ANKRD36C: variants seen among roughly 807,000 people sequenced by gnomAD.
The protein encoded by ANKRD36C is ankyrin repeat domain 36C.
A neutral mutation model predicts 276.4 loss-of-function variants in ANKRD36C; 61 were observed. The observed-to-expected ratio is 0.22, with a 90% CI of 0.18 to 0.27. The LOEUF is 0.27. Ranked by LOEUF, ANKRD36C falls within the 10% of genes least tolerant of loss-of-function variation. ANKRD36C has a pLI of 1.00. For synonymous variants in ANKRD36C, 483 were observed against 680.1 expected, an observed-to-expected ratio of 0.71 and a Z score of 4.51; for missense variants, 1,447 against 2,032.3, an observed-to-expected ratio of 0.71 and a Z score of 5.54.
exon 30 of ANKRD36C, chr2:95,925,392 A>G: frequency 4.5e-6 from 7 of 1,572,114 alleles, no homozygotes; most frequent in Non-Finnish European, 6.0e-6. Flanking sequence ...TTGTGGCAAT[A>G]TTCAAAAGAG....
Position 95,962,438 on chromosome 2 carries a change from G to T in ANKRD36C, c.829-14C>A. On this transcript the variant is annotated splice_polypyrimidine_tract_variant and intron_variant, in intron 7 of 66. Transcript: ENST00000456556. The stretch of plus-strand genomic sequence containing the variant: ...GCCACTTGTAGCCTGAGTGGGATTT[G>T]AAACAAAATAATCAATACGTAAAGT... The T allele has an allele frequency of 6.3e-7, 1 of 1,580,444 alleles. No homozygotes were observed.
chr2:95,980,834 T>C, intron 4 of ANKRD36C, 49 bp from the exon 5 acceptor site: 1 of 1,542,034 alleles, frequency 6.5e-7, no homozygotes, highest in Non-Finnish European at 8.8e-7. Context: ...TTTTAAAAGC[T>C]TAGTTTATAT....
downstream of ANKRD36C, among the ~76,000 whole-genome samples, chr2:95,849,801 T>G (rs1474806043): frequency 6.6e-6 from 1 of 152,194 alleles, no homozygotes. Context: ...ATCTAATGGC[T>G]TTGCTGATCT....
chr2:95,894,776 A>G (rs907091243), intron 44 of ANKRD36C, among the ~76,000 whole-genome samples: 12 of 151,348 alleles, frequency 7.9e-5, no homozygotes, highest in African/African-American at 1.2e-4. Flanking sequence ...TTTTATGCCA[A>G]TTCAAGAAAT....
chr2:95,920,146 A>G lies in ANKRD36C; in HGVS notation c.2245+1461T>C, dbSNP rs111861058. Among the ~76,000 whole-genome samples the G allele has an allele frequency of 5.3e-5, 7 of 132,152 alleles. 2 individuals carry two copies. The East Asian group carries it at 1.1e-3, about 21-fold the overall frequency. 86.7% of individuals were successfully genotyped at this position (132,152 alleles called of 152,430 possible). On this transcript the variant is annotated intron_variant, in intron 34 of 66. Transcript: ENST00000456556. ...TACAATTTCAAACATGGTATGATTCATCATACGTCAAAAACTAAAATAAAA... is the reference window on the plus strand; with the variant it reads ...TACAATTTCAAACATGGTATGATTCGTCATACGTCAAAAACTAAAATAAAA...
chr2:95,962,497 A>C, intron 7 of ANKRD36C, 22 bp downstream of exon 7: 2 of 1,598,824 alleles, frequency 1.3e-6, no homozygotes, highest in Non-Finnish European at 1.7e-6. Context: ...ATAGTTCAAA[A>C]CAGAAATGAA....
intron 19 of ANKRD36C, among the ~76,000 whole-genome samples, chr2:95,943,493 A>C (rs1677953120): frequency 6.6e-6 from 1 of 151,262 alleles, no homozygotes; most frequent in African/African-American, 2.4e-5. Context: ...CAAAAAAAAA[A>C]AAATTAACCA....
exon 30 of ANKRD36C, chr2:95,925,371 G>A (rs769211951): frequency 9.2e-5 from 145 of 1,579,858 alleles, no homozygotes; most frequent in Non-Finnish European, 9.8e-5. Flanking sequence ...ATTTCCCACC[G>A]CCCGTTATTC....
chr2:95,968,456 A>G (rs2918861), intron 6 of ANKRD36C, among the ~76,000 whole-genome samples: 3 of 152,320 alleles, frequency 2.0e-5, no homozygotes, highest in East Asian at 1.9e-4. Flanking sequence ...AGCAGGCATT[A>G]TCAAAGAACA....
At chr2:95,924,589 A>G (rs1351010210) in intron 30 of ANKRD36C, among the ~76,000 whole-genome samples, 2 of 151,688 alleles carry the variant, frequency 1.3e-5, no homozygotes, top group Admixed American at 1.3e-4. Context: ...TATTTTAATG[A>G]AAAAGCCAGC....
At chr2:95,876,042 A>C (rs564223842) in intron 59 of ANKRD36C, 86 of 406,850 alleles carry the variant, frequency 2.1e-4, no homozygotes, top group African/African-American at 1.7e-3. Flanking sequence ...AAAAAACTGC[A>C]AAGTTTGAAC....
chr2:95,978,019 T>G (rs1350066524), intron 6 of ANKRD36C, 103 bp downstream of exon 6: 1 of 418,204 alleles, frequency 2.4e-6, no homozygotes, highest in Non-Finnish European at 4.4e-6. Flanking sequence ...GTGTGCAATT[T>G]AAACAGTGAT....
At chr2:95,987,681 G>C (rs982750166) in intron 1 of ANKRD36C, among the ~76,000 whole-genome samples, 21 of 148,374 alleles carry the variant, frequency 1.4e-4, no homozygotes, top group Non-Finnish European at 2.4e-4. Flanking sequence ...GACTGCAGTG[G>C]CGCAATCTCG....
rs1398750881 is a variant in ANKRD36C, at chr2:95,896,979, C to A, written c.2755+2166G>T. 1.8e-4 allele frequency among the ~76,000 whole-genome samples: 27 copies of A among 147,654 alleles called. 2 individuals are homozygous for A. Among genetic ancestry groups the A allele is most frequent in the African/African-American group, 6.5e-4 (26 of 40,268 alleles). Reference sequence around the variant, plus strand: ...TCCTTCCACCCTTACTGAAAACAAGCTGGAGAATTAAAGCAAAATTATGTT... The same window carrying A: ...TCCTTCCACCCTTACTGAAAACAAGATGGAGAATTAAAGCAAAATTATGTT... On this transcript the variant is annotated intron_variant, in intron 44 of 66. Transcript: ENST00000456556.
At chr2:95,941,472 G>C (rs1327249758) in intron 19 of ANKRD36C, among the ~76,000 whole-genome samples, 1 of 152,002 alleles carries the variant, frequency 6.6e-6, no homozygotes, top group Non-Finnish European at 1.5e-5. Flanking sequence ...ATTTCTACTT[G>C]GGAAGCTTCT....
chr2:95,933,350 TATAAA>T lies in ANKRD36C; in HGVS notation c.1735+2099_1735+2103del. On this transcript the variant is annotated intron_variant, in intron 24 of 66. Transcript: ENST00000456556. ...CAATGGTAGTCTATAGCATTGAACC[TATAAA>T]TTACTTTGGGCAGTATGGCCATTTT... Among the ~76,000 whole-genome samples the T allele has an allele frequency of 4.6e-5, 7 of 152,412 alleles. No individual in the cohort carries two copies. The South Asian group carries it at 1.4e-3, about 32-fold the overall frequency.
At chr2:95,952,068 C>T (rs527477622) in intron 14 of ANKRD36C, among the ~76,000 whole-genome samples, 6 of 151,778 alleles carry the variant, frequency 4.0e-5, no homozygotes, top group Non-Finnish European at 7.4e-5. Context: ...ACAATAGAAA[C>T]AGAAGTGAAA....
At chr2:95,939,946 C>G (rs954906686) in intron 20 of ANKRD36C, among the ~76,000 whole-genome samples, 5 of 152,252 alleles carry the variant, frequency 3.3e-5, no homozygotes, top group African/African-American at 1.2e-4. Flanking sequence ...CTAATGAGTA[C>G]TCAGATTTTC....
intron 58 of ANKRD36C, among the ~76,000 whole-genome samples, chr2:95,878,153 CAGG>C (rs1419533745): frequency 2.0e-4 from 29 of 145,408 alleles, no homozygotes; most frequent in African/African-American, 5.9e-4. Context: ...CATTACACTC[CAGG>C]CTGGGAGACA....
Sources: allele counts gnomAD v4.1 joint callset (sites outside exome capture counted in the v4.1 genomes callset), GRCh38; gene constraint gnomAD v4.1.1; transcripts MANE v1.5; gene names NCBI Gene and HGNC (gene_info 2026-07-23, HGNC 2026-07-21).